The following FAM135B variants were observed in gnomAD, a reference collection of about 807,000 sequenced individuals.
FAM135B encodes the protein family with sequence similarity 135 member B.
A neutral mutation model predicts 127.7 loss-of-function variants in FAM135B; 43 were observed. That is an observed-to-expected ratio of 0.34 (90% CI 0.26 to 0.43). FAM135B has a LOEUF of 0.43. Among genes scored for constraint, FAM135B ranks in the 20% least tolerant of loss-of-function variants. The pLI, the probability that FAM135B is intolerant of heterozygous loss-of-function variation, is 1.00. For synonymous variants in FAM135B, 670 were observed against 665.1 expected (o/e 1.01, Z -0.11); for missense variants, 1,558 against 1,725.6 (o/e 0.90, Z 1.72).
chr8:138,412,768 G>T (rs752622058), intron 1 of FAM135B, among the ~76,000 whole-genome samples: 2 of 152,110 alleles, frequency 1.3e-5, no homozygotes, highest in Admixed American at 1.3e-4. Context: ...ATTTCTTACT[G>T]CTTTTCAGGA....
chr8:138,367,232 TGTCA>T (rs1830794178), intron 2 of FAM135B: 1 of 327,984 alleles, frequency 3.0e-6, no homozygotes, highest in Admixed American at 4.3e-5. Context: ...GCTTTTTGTG[TGTCA>T]GTAACATGTC....
At chr8:138,337,484 A>T (rs2131033221) in intron 2 of FAM135B, among the ~76,000 whole-genome samples, 1 of 150,940 alleles carries the variant, frequency 6.6e-6, no homozygotes. Context: ...AGAGGGCCAA[A>T]TCATGAGTGA....
At chr8:138,324,871 A>G (rs1827695616) in intron 2 of FAM135B, among the ~76,000 whole-genome samples, 1 of 152,228 alleles carries the variant, frequency 6.6e-6, no homozygotes, top group Admixed American at 6.5e-5. Context: ...TTTTATCTAC[A>G]GGAAGCTGAA....
At chr8:138,407,477 C>T (rs1018222039) in intron 1 of FAM135B, among the ~76,000 whole-genome samples, 89 of 152,142 alleles carry the variant, frequency 5.8e-4, no homozygotes, top group South Asian at 1.0e-3. Flanking sequence ...AGAACAAAGC[C>T]GGAGGCATCA....
intron 1 of FAM135B, among the ~76,000 whole-genome samples, chr8:138,455,568 C>G (rs185049182): frequency 6.6e-6 from 1 of 152,196 alleles, no homozygotes; most frequent in East Asian, 1.9e-4. Context: ...TTTATTATTA[C>G]TATAATAACC....
At chr8:138,201,806 C>A (rs1235552397) in intron 7 of FAM135B, among the ~76,000 whole-genome samples, 1 of 152,158 alleles carries the variant, frequency 6.6e-6, no homozygotes, top group Non-Finnish European at 1.5e-5. Context: ...CCTGGGCCTA[C>A]CCCACAACAG....
At chr8:138,491,744 A>G (rs1208414659) in intron 1 of FAM135B, among the ~76,000 whole-genome samples, 1 of 152,246 alleles carries the variant, frequency 6.6e-6, no homozygotes, top group Non-Finnish European at 1.5e-5. Flanking sequence ...ACATCAAAAT[A>G]AGAGACTGTC....
intron 1 of FAM135B, among the ~76,000 whole-genome samples, chr8:138,469,333 T>C (rs1304924867): frequency 1.3e-5 from 2 of 152,066 alleles, no homozygotes; most frequent in African/African-American, 2.4e-5. Context: ...CTAGCATGAT[T>C]GATTAGACCT....
intron 2 of FAM135B, among the ~76,000 whole-genome samples, chr8:138,319,005 T>C (rs1827269564): frequency 6.6e-6 from 1 of 152,228 alleles, no homozygotes; most frequent in Non-Finnish European, 1.5e-5. Context: ...CTTACTATGA[T>C]TTCTGTCTTA....
chr8:138,248,649 G>A (rs1404791640), intron 6 of FAM135B, among the ~76,000 whole-genome samples: 4 of 151,730 alleles, frequency 2.6e-5, no homozygotes, highest in African/African-American at 9.7e-5. Flanking sequence ...GTGAAACCCT[G>A]TCTCTACAAA....
chr8:138,445,716 A>G (rs1836110082), intron 1 of FAM135B, among the ~76,000 whole-genome samples: 1 of 152,128 alleles, frequency 6.6e-6, no homozygotes, highest in South Asian at 2.1e-4. Context: ...GGACAAGAAC[A>G]GGAAGCATTC....
At chr8:138,481,591 G>A (rs917790465) in intron 1 of FAM135B, among the ~76,000 whole-genome samples, 3 of 152,224 alleles carry the variant, frequency 2.0e-5, no homozygotes, top group Non-Finnish European at 4.4e-5. Context: ...ATAGTCCTGG[G>A]AGTCTAGCCC....
At chr8:138,444,324 C>T (rs1238962846) in intron 1 of FAM135B, among the ~76,000 whole-genome samples, 1 of 152,144 alleles carries the variant, frequency 6.6e-6, no homozygotes, top group African/African-American at 2.4e-5. Context: ...ACAGAACTCT[C>T]CACCCCAAAT....
intron 6 of FAM135B, among the ~76,000 whole-genome samples, chr8:138,250,124 G>A (rs537459811): frequency 6.6e-6 from 1 of 152,082 alleles, no homozygotes; most frequent in Non-Finnish European, 1.5e-5. Flanking sequence ...AAGCCAAGGA[G>A]GGTGGATCAC....
At chr8:138,469,512 T>C (rs756287271) in intron 1 of FAM135B, among the ~76,000 whole-genome samples, 47 of 151,982 alleles carry the variant, frequency 3.1e-4, no homozygotes, top group Non-Finnish European at 5.3e-4. Flanking sequence ...GGAAGCAAAG[T>C]AGGAAGAAAA....
At chr8:138,199,859 C>T (rs11166796) in intron 7 of FAM135B, among the ~76,000 whole-genome samples, 112,578 of 152,138 alleles carry the variant, frequency 0.74, 42,053 homozygotes, top group East Asian at 0.82. Context: ...CCTCCTCCCT[C>T]GACATGTGGG....
intron 6 of FAM135B, among the ~76,000 whole-genome samples, chr8:138,248,924 C>G (rs1008389830): frequency 1.3e-5 from 2 of 151,990 alleles, no homozygotes; most frequent in Non-Finnish European, 2.9e-5. Flanking sequence ...AGTTAGGTGA[C>G]TTATCCAAGG....
chr8:138,273,440 G>A (rs939781351), intron 3 of FAM135B, among the ~76,000 whole-genome samples: 7 of 152,168 alleles, frequency 4.6e-5, no homozygotes, highest in East Asian at 1.9e-4. Context: ...TCCTGACCTC[G>A]TGATCCGCCC....
intron 7 of FAM135B, among the ~76,000 whole-genome samples, chr8:138,203,552 G>A (rs4243887): frequency 0.72 from 109,176 of 151,988 alleles, 39,435 homozygotes; most frequent in East Asian, 0.82. Context: ...TGCCGCTCCT[G>A]TCTGTGCAAG....
Sources: allele counts gnomAD v4.1 joint callset (sites outside exome capture counted in the v4.1 genomes callset), GRCh38; gene constraint gnomAD v4.1.1; transcripts MANE v1.5; gene names NCBI Gene and HGNC (gene_info 2026-07-23, HGNC 2026-07-21).